Variants in TBC1D31 observed in about 807,000 individuals in gnomAD.
TBC1D31 encodes TBC1 domain family member 31.
Under a neutral mutation model 132.9 loss-of-function variants are expected in TBC1D31, and 99 were observed. That is an observed-to-expected ratio of 0.74 (90% CI 0.63 to 0.88). The LOEUF is 0.88. Ranked by LOEUF, TBC1D31 falls within the 40% of genes least tolerant of loss-of-function variation. The probability of loss-of-function intolerance (pLI) is 0.00; values close to 1 mark genes in which losing one functional copy is unlikely to be tolerated. For synonymous variants in TBC1D31, 385 were observed against 419.4 expected (o/e 0.92, Z 1.00); for missense variants, 1,134 against 1,256.6 (o/e 0.90, Z 1.48).
At chr8:123,136,213 T>A (rs1345080957) in intron 17 of TBC1D31, among the ~76,000 whole-genome samples, 1 of 152,202 alleles carries the variant, frequency 6.6e-6, no homozygotes, top group African/African-American at 2.4e-5. Context: ...CAAAATGTCC[T>A]TTAGAGCAAA....
At chr8:123,139,891 C>CT (rs1262300872) in intron 17 of TBC1D31, among the ~76,000 whole-genome samples, 22 of 152,172 alleles carry the variant, frequency 1.4e-4, no homozygotes, top group Non-Finnish European at 1.3e-4. Context: ...TAAGGCTATT[C>CT]TGCACTAGGT....
chr8:123,121,475 G>A (rs781144840), intron 11 of TBC1D31, among the ~76,000 whole-genome samples: 1 of 152,142 alleles, frequency 6.6e-6, no homozygotes, highest in Non-Finnish European at 1.5e-5. Context: ...GGGAGGTATT[G>A]GACCATGAGG....
chr8:123,105,167 C>G (rs575541853), intron 7 of TBC1D31, 121 bp from the exon 8 acceptor site: 1 of 675,494 alleles, frequency 1.5e-6, no homozygotes, highest in Admixed American at 4.1e-5. Flanking sequence ...AGTTTTTTGC[C>G]TGAAGAATAA....
the TBC1D31 span, among the ~76,000 whole-genome samples, chr8:123,157,717 G>GCA: frequency 3.9e-4 from 39 of 99,728 alleles, no homozygotes; most frequent in East Asian, 1.2e-3. Flanking sequence ...GGGCGCGCGC[G>GCA]CGCACACACA....
At chr8:123,160,936 G>A in the TBC1D31 span, among the ~76,000 whole-genome samples, 1 of 152,184 alleles carries the variant, frequency 6.6e-6, no homozygotes, top group Admixed American at 6.5e-5. Context: ...GCAGAATCCC[G>A]GCAGGAGCGG....
In TBC1D31 at chr8:123,139,913, G is replaced by A. The variant is rs142294264; in HGVS notation, c.2500-848G>A. 3.4e-3 allele frequency among the ~76,000 whole-genome samples: 525 copies of A among 152,260 alleles called. 2 individuals carry two copies. Among genetic ancestry groups the A allele is most frequent in the African/African-American group, 0.011 (475 of 41,550 alleles). On this transcript the variant is annotated intron_variant, in intron 17 of 21. Transcript: ENST00000287380. The stretch of plus-strand genomic sequence containing the variant: ...ATTCTGCACTAGGTGAGCTCTGAGT[G>A]AGATCAAAAAAGACAGCCTTAGGAG...
chr8:123,084,133 C>T, intron 3 of TBC1D31, 29 bp from the exon 4 acceptor site: 5 of 1,599,572 alleles, frequency 3.1e-6, no homozygotes, highest in Non-Finnish European at 4.3e-6. Context: ...AGTGTTTTAC[C>T]TGGGTAACAA....
chr8:123,127,052 C>A (rs973315572), intron 13 of TBC1D31, among the ~76,000 whole-genome samples: 1 of 151,770 alleles, frequency 6.6e-6, no homozygotes, highest in African/African-American at 2.4e-5. Context: ...TCAGTTATTT[C>A]AATTGAAAAA....
At chr8:123,133,474 G>A (rs1162191743) in intron 16 of TBC1D31, among the ~76,000 whole-genome samples, 3 of 152,036 alleles carry the variant, frequency 2.0e-5, no homozygotes, top group Non-Finnish European at 4.4e-5. Flanking sequence ...CCTATTTTAG[G>A]TATTCGATAG....
intron 16 of TBC1D31, among the ~76,000 whole-genome samples, chr8:123,131,668 T>C (rs996473205): frequency 1.4e-4 from 21 of 152,222 alleles, no homozygotes; most frequent in African/African-American, 5.1e-4. Context: ...AAAACCATGC[T>C]ACATTGTAAA....
intron 5 of TBC1D31, among the ~76,000 whole-genome samples, chr8:123,095,549 T>G (rs912712319): frequency 2.6e-5 from 4 of 152,256 alleles, no homozygotes. Flanking sequence ...CTTGAATCTT[T>G]GTAAACTCAT....
rs201642322 is a variant in TBC1D31, at chr8:123,097,459, A to T, written c.831+18A>T. Reference sequence around the variant, plus strand: ...CTAATCAGGTTAGTAACATAAATGTAGGGCACTGTACTTTTTGAGAAAGAA... The same window carrying T: ...CTAATCAGGTTAGTAACATAAATGTTGGGCACTGTACTTTTTGAGAAAGAA... On this transcript the variant is annotated intron_variant, in intron 6 of 21. Transcript: ENST00000287380. The T allele has an allele frequency of 6.2e-7, 1 of 1,612,182 alleles. No individual in the cohort carries two copies. The highest frequency in any genetic ancestry group is 1.3e-5 in the African/African-American group (1 of 74,986).
chr8:123,133,832 T>C (rs537389094), intron 16 of TBC1D31, among the ~76,000 whole-genome samples: 12 of 152,358 alleles, frequency 7.9e-5, no homozygotes, highest in Admixed American at 7.2e-4. Context: ...ATGATATTGG[T>C]TACTGTAATA....
chr8:123,122,640 C>A (rs542748273), intron 11 of TBC1D31, among the ~76,000 whole-genome samples: 2 of 151,940 alleles, frequency 1.3e-5, no homozygotes, highest in African/African-American at 2.4e-5. Context: ...ATTGTATAAC[C>A]CTGAATGGGA....
intron 16 of TBC1D31, among the ~76,000 whole-genome samples, chr8:123,133,366 T>C (rs1021968906): frequency 1.3e-5 from 2 of 152,226 alleles, no homozygotes; most frequent in Admixed American, 1.3e-4. Flanking sequence ...CCTTTCCCAA[T>C]AACCTCTTTA....
chr8:123,151,865 G>A lies in TBC1D31; in HGVS notation c.3127G>A (p.Val1043Met). 1.3e-6 allele frequency: 2 copies of A among 1,591,744 alleles called. No individual in the cohort carries two copies. Among genetic ancestry groups the A allele is most frequent in the East Asian group, 2.3e-5 (1 of 43,982 alleles). Reference sequence around the variant, plus strand: ...CACGGGACAGAATCTTATTAAGAAAGTGAGAAATCTTCGCCAGAGACTCAC... The same window carrying A: ...CACGGGACAGAATCTTATTAAGAAAATGAGAAATCTTCGCCAGAGACTCAC... ...DTTGQNLIKK[V>M]RNLRQRLTAR... Residue 1043 changes from valine to methionine, a missense_variant, in exon 22 of 22, where the codon GTG becomes ATG. Val to Met is a conservative substitution (Grantham distance 21). Transcript: ENST00000287380.
the TBC1D31 span, among the ~76,000 whole-genome samples, chr8:123,163,445 A>G: frequency 7.2e-6 from 1 of 139,260 alleles, no homozygotes; most frequent in African/African-American, 2.7e-5. Flanking sequence ...GCTCACTGCA[A>G]CCTCCACCTC....
intron 2 of TBC1D31, among the ~76,000 whole-genome samples, chr8:123,079,137 G>T (rs533359553): frequency 2.4e-4 from 37 of 152,276 alleles, no homozygotes; most frequent in African/African-American, 7.2e-4. Flanking sequence ...GATCATGCAA[G>T]TTGGGTAAAG....
chr8:123,096,363 T>A (rs1340540998), intron 5 of TBC1D31, among the ~76,000 whole-genome samples: 2 of 152,180 alleles, frequency 1.3e-5, no homozygotes, highest in Non-Finnish European at 2.9e-5. Context: ...TACTTACTTT[T>A]CCTTATATAC....
Sources: gnomAD v4.1 joint callset for allele counts (sites outside exome capture counted in the v4.1 genomes callset) on GRCh38, gnomAD v4.1.1 for gene constraint, MANE v1.5 for transcripts, NCBI Gene and HGNC (gene_info 2026-07-23, HGNC 2026-07-21) for gene names.